Variants in LRRTM3 observed in about 807,000 individuals in gnomAD.
LRRTM3 encodes the protein leucine rich repeat transmembrane neuronal 3.
A neutral mutation model predicts 44.7 loss-of-function variants in LRRTM3; 24 were observed. The ratio of observed to expected loss-of-function variants is 0.54; its 90% CI spans 0.39 to 0.76. The LOEUF (loss-of-function observed/expected upper bound fraction) is 0.76. LRRTM3 is among the 30% of genes least tolerant of loss of function. The probability of loss-of-function intolerance (pLI) is 0.00; values close to 1 mark genes in which losing one functional copy is unlikely to be tolerated. For synonymous variants in LRRTM3, 277 were observed against 278.7 expected, an observed-to-expected ratio of 0.99 and a Z score of 0.06; for missense variants, 587 against 702.2, an observed-to-expected ratio of 0.84 and a Z score of 1.85.
intron 2 of LRRTM3, among the ~76,000 whole-genome samples, chr10:67,050,907 G>T (rs1018309407): frequency 1.3e-5 from 2 of 151,966 alleles, no homozygotes; most frequent in African/African-American, 4.8e-5. Flanking sequence ...TTCTTTATTT[G>T]CCATGGTGAC....
chr10:67,081,343 A>T (rs899306868), intron 2 of LRRTM3, among the ~76,000 whole-genome samples: 1 of 152,234 alleles, frequency 6.6e-6, no homozygotes, highest in East Asian at 1.9e-4. Flanking sequence ...GAGTTTTTCA[A>T]TCAATCAGTA....
intron 2 of LRRTM3, among the ~76,000 whole-genome samples, chr10:66,947,250 G>T (rs910986571): frequency 2.6e-5 from 4 of 152,144 alleles, no homozygotes; most frequent in African/African-American, 7.2e-5. Context: ...ATTACTCTCT[G>T]ATTACTCTCT....
At chr10:67,057,848 G>T (rs1450827190) in intron 2 of LRRTM3, among the ~76,000 whole-genome samples, 1 of 152,048 alleles carries the variant, frequency 6.6e-6, no homozygotes, top group Non-Finnish European at 1.5e-5. Flanking sequence ...ACCAAAGATT[G>T]AAGCCAAAAT....
At chr10:67,085,175 C>T (rs1260866079) in intron 2 of LRRTM3, among the ~76,000 whole-genome samples, 1 of 151,866 alleles carries the variant, frequency 6.6e-6, no homozygotes, top group Admixed American at 6.6e-5. Flanking sequence ...AATAACACCT[C>T]ACATTTTTTA....
At chr10:67,056,356 T>C (rs564457346) in intron 2 of LRRTM3, among the ~76,000 whole-genome samples, 1 of 152,292 alleles carries the variant, frequency 6.6e-6, no homozygotes, top group East Asian at 1.9e-4. Flanking sequence ...TAATTGGTCA[T>C]TGTTAGTCTT....
At chr10:66,983,259 C>G (rs557786202) in intron 2 of LRRTM3, among the ~76,000 whole-genome samples, 10 of 152,240 alleles carry the variant, frequency 6.6e-5, no homozygotes, top group Non-Finnish European at 1.0e-4. Context: ...CTAGCCCCCT[C>G]CCAGCCATGT....
At chr10:66,936,313 T>C (rs557134818) in intron 2 of LRRTM3, among the ~76,000 whole-genome samples, 7 of 151,974 alleles carry the variant, frequency 4.6e-5, no homozygotes, top group African/African-American at 1.7e-4. Flanking sequence ...ATACGTTTCT[T>C]AATGTTAAAA....
chr10:67,033,385 T>C (rs1407578995), intron 2 of LRRTM3, among the ~76,000 whole-genome samples: 1 of 152,164 alleles, frequency 6.6e-6, no homozygotes, highest in Non-Finnish European at 1.5e-5. Flanking sequence ...GATGCTTCTC[T>C]CCCATCAATT....
intron 2 of LRRTM3, among the ~76,000 whole-genome samples, chr10:66,976,063 C>T (rs541875025): frequency 1.3e-5 from 2 of 152,216 alleles, no homozygotes; most frequent in Admixed American, 1.3e-4. Flanking sequence ...AGTTAGTCCA[C>T]AAAATTTTGT....
chr10:66,943,181 T>C (rs1478900246), intron 2 of LRRTM3, among the ~76,000 whole-genome samples: 1 of 152,176 alleles, frequency 6.6e-6, no homozygotes, highest in Non-Finnish European at 1.5e-5. Flanking sequence ...TTTAAAGACT[T>C]TGAAAAGAGC....
At chr10:67,036,524 C>T (rs992722268) in intron 2 of LRRTM3, among the ~76,000 whole-genome samples, 7 of 151,936 alleles carry the variant, frequency 4.6e-5, no homozygotes, top group Admixed American at 2.6e-4. Flanking sequence ...CTTAGCCGGG[C>T]GTGGTGGCAG....
At chr10:66,942,703 A>G (rs541036724) in intron 2 of LRRTM3, among the ~76,000 whole-genome samples, 1 of 151,976 alleles carries the variant, frequency 6.6e-6, no homozygotes, top group African/African-American at 2.4e-5. Flanking sequence ...GACATATCAC[A>G]CCTTCCCATA....
chr10:67,024,004 A>G (rs1448015691), intron 2 of LRRTM3, among the ~76,000 whole-genome samples: 2 of 152,198 alleles, frequency 1.3e-5, no homozygotes, highest in Non-Finnish European at 2.9e-5. Flanking sequence ...TTGCTGCTAT[A>G]ACATATTACC....
At chr10:67,093,002 A>G (rs1484357732) in intron 2 of LRRTM3, among the ~76,000 whole-genome samples, 1 of 152,024 alleles carries the variant, frequency 6.6e-6, no homozygotes, top group East Asian at 1.9e-4. Flanking sequence ...TATACCCCTG[A>G]ATCTCCACAA....
intron 2 of LRRTM3, among the ~76,000 whole-genome samples, chr10:67,009,971 T>C (rs73326923): frequency 0.01 from 1,589 of 152,308 alleles, 28 homozygotes; most frequent in African/African-American, 0.035. Context: ...GTCATTCTAG[T>C]ATAGATTCTT....
intron 2 of LRRTM3, among the ~76,000 whole-genome samples, chr10:66,942,093 C>T (rs1264854938): frequency 1.3e-5 from 2 of 152,096 alleles, no homozygotes; most frequent in African/African-American, 4.8e-5. Context: ...TACTTCATGT[C>T]CCAGCACAAT....
intron 2 of LRRTM3, among the ~76,000 whole-genome samples, chr10:66,935,633 A>AT (rs1554882365): frequency 2.6e-4 from 39 of 151,716 alleles, no homozygotes; most frequent in African/African-American, 5.1e-4. Context: ...TGCCTAAAAA[A>AT]ATATATATAT....
intron 2 of LRRTM3, among the ~76,000 whole-genome samples, chr10:67,019,267 G>A (rs1396216661): frequency 6.6e-6 from 1 of 152,168 alleles, no homozygotes; most frequent in Non-Finnish European, 1.5e-5. Context: ...TGCCCAGGCT[G>A]GAGTGTAATG....
intron 2 of LRRTM3, among the ~76,000 whole-genome samples, chr10:66,996,753 A>T (rs966756480): frequency 4.6e-5 from 7 of 151,678 alleles, no homozygotes; most frequent in African/African-American, 9.7e-5. Flanking sequence ...CTTATTGGAA[A>T]AAAAATTTCT....
Sources: allele counts gnomAD v4.1 joint callset (sites outside exome capture counted in the v4.1 genomes callset), GRCh38; gene constraint gnomAD v4.1.1; transcripts MANE v1.5; gene names NCBI Gene and HGNC (gene_info 2026-07-23, HGNC 2026-07-21).